R3HDM1: variants seen among roughly 807,000 people sequenced by gnomAD.
R3HDM1 encodes the protein R3H domain containing 1.
R3HDM1 carries 46 observed loss-of-function variants against 141.1 expected under a neutral mutation model. That is an observed-to-expected ratio of 0.33 (90% CI 0.26 to 0.42). The LOEUF is 0.42. Ranked by LOEUF, R3HDM1 falls within the 10% of genes least tolerant of loss-of-function variation. The pLI is 1.00. For missense variants in R3HDM1, 1,184 were observed against 1,368.3 expected (o/e 0.87, Z 2.12); for synonymous variants, 435 against 472.9 (o/e 0.92, Z 1.04).
intron 1 of R3HDM1, among the ~76,000 whole-genome samples, chr2:135,543,603 A>G (rs1698081895): frequency 6.6e-6 from 1 of 152,152 alleles, no homozygotes; most frequent in Admixed American, 6.5e-5. Context: ...AAATTTTAAA[A>G]AATATTTAAT....
intron 1 of R3HDM1, among the ~76,000 whole-genome samples, chr2:135,595,680 T>C (rs1460264248): frequency 6.6e-6 from 1 of 152,234 alleles, no homozygotes; most frequent in Non-Finnish European, 1.5e-5. Context: ...ATTTTGTCTC[T>C]GCACTAGAAT....
chr2:135,613,196 G>GAAAGAATTTGCTTCAAGGC, intron 3 of R3HDM1, among the ~76,000 whole-genome samples: 1 of 152,182 alleles, frequency 6.6e-6, no homozygotes, highest in Admixed American at 6.6e-5. Flanking sequence ...AACGCTTTGG[G>GAAAGAATTTGCTTCAAGGC]AAAGAATTTG....
At chr2:135,652,172 C>A in intron 18 of R3HDM1, 140 bp downstream of exon 18, 1 of 1,301,712 alleles carries the variant, frequency 7.7e-7, no homozygotes, top group Non-Finnish European at 9.9e-7. Flanking sequence ...ATCTTTCCGC[C>A]TCTGGAGATT....
Position 135,721,997 on chromosome 2 carries a change from A to G in R3HDM1, c.2955A>G (p.Pro985=), listed in dbSNP as rs2076740568. 11 of 1,612,864 alleles carry G rather than the reference A, an allele frequency of 6.8e-6. No homozygotes were observed. The highest frequency in any genetic ancestry group is 9.3e-6 in the Non-Finnish European group (11 of 1,178,802). ...CTGCTGTTCTGCACGGACACATTCC[A>G]AACCAACAGGTAGGAAAGACAACTA... ...NPPAVLHGHI[P]NQQGQPGSRH... Residue 985 remains proline (P), a synonymous_variant, in exon 25 of 27, where the codon CCA becomes CCG. Coordinates refer to ENST00000683871, the MANE Select transcript of R3HDM1 (RefSeq NM_001378107.1).
At position 135,675,419 on chromosome 2, in the gene R3HDM1, A is replaced by C. The variant is rs750799477; in HGVS notation, c.2240A>C (p.Gln747Pro). The change falls in exon 20 of 27, where the codon CAA becomes CCA. Residue 747 changes from glutamine to proline, a missense_variant. Gln to Pro is a moderately conservative substitution (Grantham distance 76). Around this residue, in one of 5 missense-constraint regions of R3HDM1, gnomAD observed 563 missense variants for 562.0 expected, o/e 1.00. Transcript: ENST00000683871. ...QPQSQSLVSG[Q>P]PNSIGNQIQG... ...CAGAGTCAGAGCCTAGTCAGTGGCC[A>C]ACCCAACAGCATTGGAAATCAGATT... The C allele has an allele frequency of 6.2e-7, 1 of 1,614,028 alleles. No homozygotes were observed. Among genetic ancestry groups the C allele is most frequent in the Non-Finnish European group, 8.5e-7 (1 of 1,179,906 alleles).
intron 1 of R3HDM1, among the ~76,000 whole-genome samples, chr2:135,556,553 C>G (rs1700800672): frequency 6.7e-6 from 1 of 149,952 alleles, no homozygotes; most frequent in South Asian, 2.1e-4. Flanking sequence ...GAGTCTCGCT[C>G]TGTCCCCCAG....
chr2:135,605,173 C>G (rs2059938490), intron 3 of R3HDM1, 157 bp downstream of exon 3: 1 of 580,398 alleles, frequency 1.7e-6, no homozygotes, highest in Non-Finnish European at 2.9e-6. Context: ...GATTAGCTTG[C>G]TGTGAGTCTT....
intron 15 of R3HDM1, among the ~76,000 whole-genome samples, chr2:135,642,433 T>C (rs2063903544): frequency 6.6e-6 from 1 of 152,222 alleles, no homozygotes; most frequent in Admixed American, 6.5e-5. Flanking sequence ...GTTAGGTAGG[T>C]GAAATCCTCA....
chr2:135,688,929 C>A (rs540842860), intron 21 of R3HDM1, among the ~76,000 whole-genome samples: 101 of 152,208 alleles, frequency 6.6e-4, no homozygotes, highest in Non-Finnish European at 9.7e-4. Flanking sequence ...GAGCGAGACT[C>A]CTTCTCAAAA....
chr2:135,679,066 CTTTTTTT>C (rs141175748), intron 20 of R3HDM1, among the ~76,000 whole-genome samples: 1 of 70,574 alleles, frequency 1.4e-5, no homozygotes, highest in Non-Finnish European at 2.6e-5. Context: ...GCCCGGCTTT[CTTTTTTT>C]TTTTTTTTTT....
chr2:135,578,518 C>T (rs1317991133), intron 1 of R3HDM1, among the ~76,000 whole-genome samples: 5 of 152,152 alleles, frequency 3.3e-5, no homozygotes, highest in Non-Finnish European at 7.3e-5. Context: ...CCAGAAATAA[C>T]ATAAAATAAC....
At chr2:135,603,460 T>C (rs1370824949) in intron 2 of R3HDM1, among the ~76,000 whole-genome samples, 1 of 152,238 alleles carries the variant, frequency 6.6e-6, no homozygotes, top group African/African-American at 2.4e-5. Context: ...AACATCCCTA[T>C]AACCACCCCT....
chr2:135,560,669 T>A (rs1197309742), intron 1 of R3HDM1, among the ~76,000 whole-genome samples: 1 of 152,214 alleles, frequency 6.6e-6, no homozygotes, highest in Non-Finnish European at 1.5e-5. Flanking sequence ...ATAGAATCTT[T>A]GGATAAGAAT....
chr2:135,602,320 T>C (rs1166220631), intron 1 of R3HDM1, among the ~76,000 whole-genome samples, 180 bp from the exon 2 acceptor site: 1 of 152,216 alleles, frequency 6.6e-6, no homozygotes, highest in African/African-American at 2.4e-5. Flanking sequence ...CAGTGACTTA[T>C]TCAGGTTCAC....
chr2:135,537,022 C>T (rs1696291876), intron 1 of R3HDM1, among the ~76,000 whole-genome samples: 2 of 152,060 alleles, frequency 1.3e-5, no homozygotes, highest in South Asian at 4.2e-4. Context: ...AAACAGGTCC[C>T]TGGTGCCAAA....
At chr2:135,635,393 G>A (rs2105229318) in intron 9 of R3HDM1, among the ~76,000 whole-genome samples, 1 of 152,230 alleles carries the variant, frequency 6.6e-6, no homozygotes, top group Admixed American at 6.5e-5. Context: ...TCATATGCCT[G>A]CCTTTGACCT....
intron 20 of R3HDM1, among the ~76,000 whole-genome samples, chr2:135,678,831 A>G (rs1469910795): frequency 1.4e-5 from 2 of 141,934 alleles, no homozygotes; most frequent in Admixed American, 1.5e-4. Context: ...CTCATTCTCA[A>G]CTCACTGCAA....
At position 135,641,698 on chromosome 2, in the gene R3HDM1, G is replaced by C. The variant is rs1330880276; in HGVS notation, c.1382G>C (p.Gly461Ala). ...SSLSFDGGLN[G>A]QVASPSTSFF... ...CTTTCCTTTGATGGTGGCCTAAATG[G>C]GCAAGTCGCATCTCCTAGCACTAGC... The change falls in exon 15 of 27, where the codon GGG (glycine) becomes GCG (alanine). Residue 461 changes from glycine (G) to alanine (A), a missense_variant. Coordinates refer to ENST00000683871, the MANE Select transcript of R3HDM1 (RefSeq NM_001378107.1). 1 of 1,614,048 alleles carries C rather than the reference G, an allele frequency of 6.2e-7. No homozygotes were observed. Among genetic ancestry groups the C allele is most frequent in the East Asian group, 2.2e-5 (1 of 44,866 alleles).
chr2:135,649,992 C>T lies in R3HDM1; in HGVS notation c.1714C>T (p.Gln572Ter), dbSNP rs1480160645. Residue 572 changes from glutamine (Q) to a stop codon, truncating the protein, a stop_gained, in exon 17 of 27, where the codon CAA (glutamine) becomes TAA (stop). Coordinates refer to ENST00000683871, the MANE Select transcript of R3HDM1 (RefSeq NM_001378107.1). LOFTEE classifies it high-confidence loss of function. Reference protein sequence around the residue: ...SPFLPVSPTQQYSVQDNLGSQ... With the variant: ...SPFLPVSPTQ ...GTTCCTGCCAGTCTCACCCACCCAG[C>T]AATACTCTGTGGTACTATATCTCTA... 7.8e-7 allele frequency: 1 copy of T among 1,289,888 alleles called. No homozygotes were observed. 79.9% of individuals were successfully genotyped at this position (1,289,888 alleles called of 1,614,324 possible).
Sources: allele counts gnomAD v4.1 joint callset (sites outside exome capture counted in the v4.1 genomes callset), GRCh38; gene constraint gnomAD v4.1.1; regional missense constraint gnomAD v4.1.1; transcripts MANE v1.5; gene names NCBI Gene and HGNC (gene_info 2026-07-23, HGNC 2026-07-21).